NEXN: variants seen among roughly 807,000 people sequenced by gnomAD.
NEXN encodes the protein nexilin.
In NEXN, 65 loss-of-function variants were observed where a neutral mutation model predicts 92.6. The observed-to-expected ratio is 0.70, with a 90% confidence interval of 0.57 to 0.86. The LOEUF (loss-of-function observed/expected upper bound fraction) is 0.86. Ranked by LOEUF, NEXN falls within the 40% of genes least tolerant of loss-of-function variation. The pLI is 0.00. For missense variants in NEXN, 778 were observed against 771.1 expected, an observed-to-expected ratio of 1.01 and a Z score of -0.11; for synonymous variants, 254 against 242.5, an observed-to-expected ratio of 1.05 and a Z score of -0.44.
chr1:77,934,009 T>TA (rs986921456), intron 10 of NEXN, among the ~76,000 whole-genome samples: 7 of 92,536 alleles, frequency 7.6e-5, no homozygotes, highest in Admixed American at 1.1e-4. Flanking sequence ...GGCTAATTTT[T>TA]AATTTTTTTT....
At chr1:77,941,220 CTAGG>C (rs1478417414) in intron 11 of NEXN, among the ~76,000 whole-genome samples, 4 of 152,002 alleles carry the variant, frequency 2.6e-5, no homozygotes, top group African/African-American at 9.7e-5. Context: ...CCACAAATGC[CTAGG>C]TAGTTAGAAA....
intron 1 of NEXN, among the ~76,000 whole-genome samples, chr1:77,896,174 A>AAATAAATAAATAAATC (rs1434720709): frequency 1.3e-5 from 2 of 151,038 alleles, no homozygotes; most frequent in African/African-American, 4.9e-5. Flanking sequence ...TTGTCTCAAT[A>AAATAAATAAATAAATC]AATAAATAAA....
At chr1:77,903,410 A>G (rs1647872212) in intron 1 of NEXN, among the ~76,000 whole-genome samples, 2 of 152,188 alleles carry the variant, frequency 1.3e-5, no homozygotes, top group Non-Finnish European at 2.9e-5. Context: ...GAAGTTAACT[A>G]TGTCATTACA....
intron 1 of NEXN, among the ~76,000 whole-genome samples, chr1:77,906,948 G>A (rs1011041043): frequency 1.4e-4 from 21 of 152,060 alleles, no homozygotes; most frequent in Admixed American, 1.1e-3. Flanking sequence ...ACACCTGGCC[G>A]GGAAATGATT....
intron 9 of NEXN, among the ~76,000 whole-genome samples, chr1:77,929,795 GA>G (rs1273929117): frequency 2.0e-4 from 30 of 152,180 alleles, no homozygotes; most frequent in Non-Finnish European, 4.4e-5. Flanking sequence ...ATCCAAGGAA[GA>G]AGAAGAAGTA....
intron 5 of NEXN, among the ~76,000 whole-genome samples, chr1:77,921,449 A>AT (rs1239400358): frequency 6.6e-6 from 1 of 151,956 alleles, no homozygotes; most frequent in Middle Eastern, 3.2e-3. Context: ...GGATCTTTTT[A>AT]TTTTTTATTT....
At chr1:77,916,235 G>C (rs1055639822) in intron 2 of NEXN, 102 bp downstream of exon 2, 6 of 782,154 alleles carry the variant, frequency 7.7e-6, no homozygotes, top group African/African-American at 7.1e-5. Context: ...ATATTTAGGA[G>C]TTCATAATTA....
intron 12 of NEXN, 100 bp downstream of exon 12, chr1:77,942,308 C>G (rs1381202336): frequency 1.4e-6 from 2 of 1,418,246 alleles, no homozygotes; most frequent in East Asian, 4.6e-5. Context: ...GGTTTTCTTT[C>G]AAGTCACTGG....
chr1:77,940,712 T>G (rs1413522988), intron 11 of NEXN, among the ~76,000 whole-genome samples: 2 of 152,186 alleles, frequency 1.3e-5, no homozygotes, highest in African/African-American at 4.8e-5. Context: ...AGGTCCTTTT[T>G]AAATTTAAGT....
At chr1:77,942,356 G>A (rs1651419744) in intron 12 of NEXN, 105 bp from the exon 13 acceptor site, 6 of 1,385,392 alleles carry the variant, frequency 4.3e-6, no homozygotes, top group Middle Eastern at 1.9e-4. Context: ...AGGCACACTT[G>A]TATGTTCTTT....
chr1:77,926,724 A>T lies in NEXN; in HGVS notation c.696A>T (p.Glu232Asp), dbSNP rs1173550376. 6.2e-7 allele frequency: 1 copy of T among 1,613,934 alleles called. No homozygotes were observed. Among genetic ancestry groups the T allele is most frequent in the Admixed American group, 1.7e-5 (1 of 60,000 alleles). Residue 232 changes from glutamate (E) to aspartate (D), a missense_variant, in exon 8 of 13, where the codon GAA becomes GAT. This residue lies in a region of NEXN where 236 missense variants were observed against 265.6 expected (regional missense o/e 0.89). Transcript: ENST00000334785. ...TCATAACGTTTTCTTAGGATGATGA[A>T]ATAGAAAGTGAAGCAAAAAAAGAAT... ...AKCLSLVMDD[E>D]IESEAKKESL... is the part of the protein sequence containing the mutation.
Position 77,942,473 on chromosome 1 carries a change from G to A in NEXN, c.1672G>A (p.Glu558Lys), listed in dbSNP as rs927477236. 1 of 1,613,192 alleles carries A rather than the reference G, an allele frequency of 6.2e-7. No homozygotes were observed. ...DAALQKKREEEEEEEGSIMNG... is the reference protein window; with the variant it reads ...DAALQKKREEKEEEEGSIMNG... Reference sequence around the variant, plus strand: ...TATTTTAATACAGAAAAGAGAAGAGGAGGAGGAGGAAGAAGGTAGCATCAT... The same window carrying A: ...TATTTTAATACAGAAAAGAGAAGAGAAGGAGGAGGAAGAAGGTAGCATCAT... Residue 558 changes from glutamate to lysine, a missense_variant, in exon 13 of 13, where the codon GAG becomes AAG. By Grantham distance (56) the Glu-to-Lys change is moderately conservative. This residue lies in a region of NEXN where 532 missense variants were observed against 476.7 expected (regional missense o/e 1.12). Coordinates refer to ENST00000334785, the MANE Select transcript of NEXN (RefSeq NM_144573.4).
intron 11 of NEXN, among the ~76,000 whole-genome samples, chr1:77,938,715 A>C (rs1234189623): frequency 6.6e-6 from 1 of 150,404 alleles, no homozygotes; most frequent in Admixed American, 6.6e-5. Context: ...GATATGTTTA[A>C]CAGGGCCAAG....
intron 9 of NEXN, among the ~76,000 whole-genome samples, chr1:77,929,818 C>T (rs1650147517): frequency 6.6e-6 from 1 of 152,178 alleles, no homozygotes; most frequent in Admixed American, 6.5e-5. Context: ...GGAGTTTCCT[C>T]CCTCAACTTT....
chr1:77,942,437 C>G, intron 12 of NEXN, 24 bp from the exon 13 acceptor site: 1 of 1,602,526 alleles, frequency 6.2e-7, no homozygotes, highest in South Asian at 1.1e-5. Flanking sequence ...AAATGCCAAC[C>G]TGAATGCATT....
intron 1 of NEXN, among the ~76,000 whole-genome samples, chr1:77,910,391 T>C (rs1648462945): frequency 6.6e-6 from 1 of 152,064 alleles, no homozygotes; most frequent in Non-Finnish European, 1.5e-5. Flanking sequence ...AGAACTGTGC[T>C]CACCGATGAT....
intron 8 of NEXN, among the ~76,000 whole-genome samples, chr1:77,928,784 T>G (rs1375331799): frequency 2.0e-5 from 3 of 152,182 alleles, no homozygotes; most frequent in African/African-American, 7.2e-5. Context: ...CATTTTATAT[T>G]TGTTCTGGGA....
intron 1 of NEXN, among the ~76,000 whole-genome samples, chr1:77,903,829 G>A (rs1647903147): frequency 6.6e-6 from 1 of 152,122 alleles, no homozygotes; most frequent in Non-Finnish European, 1.5e-5. Flanking sequence ...GGAGGCTGAG[G>A]TGGGAGGATT....
At chr1:77,924,657 GT>G (rs901036538) in intron 5 of NEXN, among the ~76,000 whole-genome samples, 5 of 37,796 alleles carry the variant, frequency 1.3e-4, no homozygotes, top group Admixed American at 3.7e-4. Context: ...AATTTTTTCT[GT>G]TTTTTTTTCT....
Sources: gnomAD v4.1 joint callset for allele counts (sites outside exome capture counted in the v4.1 genomes callset) on GRCh38, gnomAD v4.1.1 for gene constraint, gnomAD v4.1.1 regional missense constraint, MANE v1.5 for transcripts, NCBI Gene and HGNC (gene_info 2026-07-23, HGNC 2026-07-21) for gene names.